Variants in PTPRT observed in about 807,000 individuals in gnomAD.
PTPRT encodes protein tyrosine phosphatase receptor type T.
PTPRT carries 56 observed loss-of-function variants against 176.8 expected under a neutral mutation model. The observed-to-expected ratio is 0.32, with a 90% CI of 0.26 to 0.40. The LOEUF (loss-of-function observed/expected upper bound fraction) is 0.40, where lower values mean the gene tolerates loss of function less well. Ranked by LOEUF, PTPRT falls within the 10% of genes least tolerant of loss-of-function variation. PTPRT has a pLI of 1.00. For missense variants in PTPRT, 1,540 were observed against 1,908.2 expected (o/e 0.81, Z 3.60); for synonymous variants, 783 against 739.0 (o/e 1.06, Z -0.96).
intron 1 of PTPRT, among the ~76,000 whole-genome samples, chr20:43,091,358 A>G (rs2011844451): frequency 6.6e-6 from 1 of 152,168 alleles, no homozygotes; most frequent in South Asian, 2.1e-4. Flanking sequence ...TGAATGTTAG[A>G]AGACGACTGG....
chr20:42,164,734 CGTTATGAT>C (rs1477840082), intron 16 of PTPRT, among the ~76,000 whole-genome samples: 4 of 152,194 alleles, frequency 2.6e-5, no homozygotes, highest in Non-Finnish European at 4.4e-5. Flanking sequence ...AATTAAAAGA[CGTTATGAT>C]GTTCCTGTTC....
At chr20:42,363,658 A>C (rs2058473024) in intron 9 of PTPRT, among the ~76,000 whole-genome samples, 1 of 152,204 alleles carries the variant, frequency 6.6e-6, no homozygotes, top group African/African-American at 2.4e-5. Flanking sequence ...ACCACTCACT[A>C]GTTGCCAGGT....
At chr20:42,895,591 G>A (rs2079282166) in intron 1 of PTPRT, among the ~76,000 whole-genome samples, 2 of 152,102 alleles carry the variant, frequency 1.3e-5, no homozygotes, top group Admixed American at 6.5e-5. Flanking sequence ...CATCACAGGG[G>A]GCCACATGTT....
At chr20:42,723,809 G>T (rs1419314491) in intron 6 of PTPRT, among the ~76,000 whole-genome samples, 1 of 152,180 alleles carries the variant, frequency 6.6e-6, no homozygotes, top group Non-Finnish European at 1.5e-5. Flanking sequence ...CACATGGGAT[G>T]GGCAGATCAG....
chr20:42,603,910 G>A (rs2073828121), intron 7 of PTPRT, among the ~76,000 whole-genome samples: 1 of 152,126 alleles, frequency 6.6e-6, no homozygotes, highest in African/African-American at 2.4e-5. Flanking sequence ...TCAACCTGGG[G>A]CTCCCTTAGA....
chr20:42,141,858 T>A lies in PTPRT; in HGVS notation c.2770+57A>T, dbSNP rs143602577. ...TTCCAGGTAAATAATAGTAATAGCC[T>A]CTTTTCCCCTGCATCCTCAACACCT... On this transcript the variant is annotated intron_variant, in intron 18 of 30. Coordinates refer to ENST00000373187, the MANE Select transcript of PTPRT (RefSeq NM_007050.6). 4.0e-5 allele frequency: 58 copies of A among 1,445,604 alleles called. No individual in the cohort carries two copies. The East Asian group carries it at 1.3e-3, about 33-fold the overall frequency. 89.5% of individuals were successfully genotyped at this position (1,445,604 alleles called of 1,614,324 possible).
At chr20:43,074,107 T>A (rs151313276) in intron 1 of PTPRT, among the ~76,000 whole-genome samples, 1 of 152,202 alleles carries the variant, frequency 6.6e-6, no homozygotes, top group African/African-American at 2.4e-5. Context: ...AAATAAATGT[T>A]ATGGGCCGAG....
intron 13 of PTPRT, among the ~76,000 whole-genome samples, chr20:42,269,555 A>C (rs145053146): frequency 1.1e-3 from 160 of 152,348 alleles, no homozygotes; most frequent in Non-Finnish European, 2.0e-3. Context: ...TCAACCTCTG[A>C]CATGAGTGGG....
At chr20:42,907,338 A>G (rs73910613) in intron 1 of PTPRT, among the ~76,000 whole-genome samples, 6,397 of 152,284 alleles carry the variant, frequency 0.042, 334 homozygotes, top group African/African-American at 0.12. Flanking sequence ...TGTGTTCATA[A>G]AGGATCTCAG....
At chr20:42,748,618 CTTA>C (rs1337048970) in intron 6 of PTPRT, among the ~76,000 whole-genome samples, 1 of 152,168 alleles carries the variant, frequency 6.6e-6, no homozygotes, top group Non-Finnish European at 1.5e-5. Flanking sequence ...CACCTCAGGA[CTTA>C]TTATTGCACC....
chr20:42,410,861 A>G (rs1357587654), intron 9 of PTPRT, among the ~76,000 whole-genome samples: 3 of 152,232 alleles, frequency 2.0e-5, no homozygotes, highest in East Asian at 1.9e-4. Context: ...GCTAATGCAC[A>G]TTGAATTGAT....
chr20:42,281,463 G>A (rs2057137532), intron 13 of PTPRT, among the ~76,000 whole-genome samples: 1 of 151,888 alleles, frequency 6.6e-6, no homozygotes, highest in Admixed American at 6.6e-5. Context: ...ATGTGTGATG[G>A]GTCTTGGTGC....
intron 14 of PTPRT, among the ~76,000 whole-genome samples, chr20:42,239,626 G>A (rs955671383): frequency 6.6e-6 from 1 of 151,786 alleles, no homozygotes; most frequent in Non-Finnish European, 1.5e-5. Context: ...GTTTCACTGT[G>A]TTAGCCAGGA....
chr20:43,051,486 C>T (rs6016942), intron 1 of PTPRT, among the ~76,000 whole-genome samples: 1 of 152,066 alleles, frequency 6.6e-6, no homozygotes, highest in East Asian at 1.9e-4. Flanking sequence ...TTAAACAAAT[C>T]TAAATCATTC....
At chr20:42,134,684 C>T (rs1262725701) in intron 18 of PTPRT, among the ~76,000 whole-genome samples, 1 of 152,156 alleles carries the variant, frequency 6.6e-6, no homozygotes, top group Non-Finnish European at 1.5e-5. Context: ...TCAGTAATGT[C>T]TGCTGATTTC....
At chr20:42,624,183 C>T (rs1406777291) in intron 7 of PTPRT, among the ~76,000 whole-genome samples, 1 of 152,022 alleles carries the variant, frequency 6.6e-6, no homozygotes, top group African/African-American at 2.4e-5. Context: ...TGCACAGGGG[C>T]CAAAGGGAAA....
intron 6 of PTPRT, among the ~76,000 whole-genome samples, chr20:42,695,957 C>T (rs1368248958): frequency 2.0e-5 from 3 of 152,172 alleles, no homozygotes; most frequent in Non-Finnish European, 2.9e-5. Flanking sequence ...CTCCTCCTGT[C>T]ATTCATGGCC....
intron 2 of PTPRT, among the ~76,000 whole-genome samples, chr20:42,843,306 T>C (rs912323909): frequency 1.3e-5 from 2 of 152,218 alleles, no homozygotes; most frequent in Non-Finnish European, 1.5e-5. Context: ...CTTCGTATGC[T>C]GATGGATTCA....
intron 9 of PTPRT, among the ~76,000 whole-genome samples, chr20:42,443,163 A>C (rs768415218): frequency 6.6e-6 from 1 of 152,240 alleles, no homozygotes; most frequent in Non-Finnish European, 1.5e-5. Context: ...CAATGTTTTC[A>C]TCAGGCAGAG....
Sources: gnomAD v4.1 joint callset for allele counts (sites outside exome capture counted in the v4.1 genomes callset) on GRCh38, gnomAD v4.1.1 for gene constraint, MANE v1.5 for transcripts, NCBI Gene and HGNC (gene_info 2026-07-23, HGNC 2026-07-21) for gene names.